Variants in BCAR3 observed in about 807,000 individuals in gnomAD.
BCAR3 encodes breast cancer anti-estrogen resistance protein 3.
Under a neutral mutation model 80.1 loss-of-function variants are expected in BCAR3, and 37 were observed. The observed-to-expected ratio is 0.46, with a 90% confidence interval of 0.36 to 0.61. The LOEUF (loss-of-function observed/expected upper bound fraction) is 0.61, where lower values mean the gene tolerates loss of function less well. Among genes scored for constraint, BCAR3 ranks in the 20% least tolerant of loss-of-function variants. The pLI, the probability that BCAR3 is intolerant of heterozygous loss-of-function variation, is 0.00. For missense variants in BCAR3, 978 were observed against 1,068.2 expected (o/e 0.92, Z 1.18); for synonymous variants, 389 against 418.9 (o/e 0.93, Z 0.87).
chr1:93,606,850 T>C (rs72963380), intron 3 of BCAR3, among the ~76,000 whole-genome samples: 9,157 of 152,146 alleles, frequency 0.06, 901 homozygotes, highest in African/African-American at 0.21. Flanking sequence ...CAGAATGCAG[T>C]GTCCTGGAGG....
chr1:93,597,060 A>G (rs1458020978), intron 3 of BCAR3, among the ~76,000 whole-genome samples: 1 of 152,232 alleles, frequency 6.6e-6, no homozygotes, highest in East Asian at 1.9e-4. Context: ...GTGCTTCAGG[A>G]AATTTGAGTA....
intron 5 of BCAR3, among the ~76,000 whole-genome samples, chr1:93,588,727 G>A (rs1674046673): frequency 6.8e-6 from 1 of 146,096 alleles, no homozygotes; most frequent in Non-Finnish European, 1.5e-5. Context: ...ACCAGCCTAA[G>A]TCTACCCCCT....
At chr1:93,796,666 A>T (rs1653284549) in intron 2 of BCAR3, among the ~76,000 whole-genome samples, 1 of 152,184 alleles carries the variant, frequency 6.6e-6, no homozygotes, top group South Asian at 2.1e-4. Flanking sequence ...CTATTCGGCC[A>T]TCTTGGCTCC....
At chr1:93,656,744 C>A (rs182179181) in intron 2 of BCAR3, among the ~76,000 whole-genome samples, 1 of 152,138 alleles carries the variant, frequency 6.6e-6, no homozygotes, top group Non-Finnish European at 1.5e-5. Context: ...GCTAGGACTA[C>A]AGGCATGTAC....
intron 3 of BCAR3, among the ~76,000 whole-genome samples, chr1:93,637,665 T>C (rs1675835527): frequency 6.6e-6 from 1 of 152,060 alleles, no homozygotes; most frequent in South Asian, 2.1e-4. Context: ...TCTGGGAACA[T>C]GGTGGTGGCA....
chr1:93,833,040 C>A (rs909668184), intron 2 of BCAR3, among the ~76,000 whole-genome samples: 2 of 152,138 alleles, frequency 1.3e-5, no homozygotes, highest in African/African-American at 4.8e-5. Flanking sequence ...GGGAACTAGC[C>A]CCCAATATTT....
chr1:93,708,726 T>G (rs1649911126), intron 2 of BCAR3, among the ~76,000 whole-genome samples: 1 of 152,130 alleles, frequency 6.6e-6, no homozygotes, highest in African/African-American at 2.4e-5. Context: ...CCACATCATA[T>G]CTACAAAAAA....
At chr1:93,809,542 C>T (rs1232229535) in intron 2 of BCAR3, among the ~76,000 whole-genome samples, 3 of 151,552 alleles carry the variant, frequency 2.0e-5, no homozygotes, top group South Asian at 2.1e-4. Context: ...CCGAGGTGGG[C>T]GGATCACCTG....
rs1481623577 is a variant in BCAR3, at chr1:93,592,327, GC to G, written c.423del (p.Glu141AspfsTer4). The G allele has an allele frequency of 6.2e-7, 1 of 1,611,176 alleles. No individual in the cohort carries two copies. Among genetic ancestry groups the G allele is most frequent in the Admixed American group, 1.7e-5 (1 of 59,944 alleles). On this transcript the variant is annotated frameshift_variant, in exon 4 of 12. Transcript: ENST00000260502. LOFTEE classifies it high-confidence loss of function. The surrounding 1 kb of genome is among the most constrained non-coding windows in gnomAD (Gnocchi z 4.8). ...PEKLKKELEE[E>X]LLLSSEDLRS... The stretch of plus-strand genomic sequence containing the variant: ...CGCAGGTCCTCGCTGCTCAGGAGCA[GC>G]TCCTCCTCCAGCTCCTTCTTCAGTT...
chr1:93,797,020 G>T (rs140086938), intron 2 of BCAR3, among the ~76,000 whole-genome samples: 236 of 152,304 alleles, frequency 1.5e-3, no homozygotes, highest in African/African-American at 5.3e-3. Flanking sequence ...TACCCTGGTA[G>T]CAATTTTCCA....
chr1:93,606,532 A>G (rs1285803989), intron 3 of BCAR3, among the ~76,000 whole-genome samples: 1 of 152,212 alleles, frequency 6.6e-6, no homozygotes, highest in Non-Finnish European at 1.5e-5. Flanking sequence ...CCAACATCCA[A>G]TAAAAATGCA....
chr1:93,673,538 T>C (rs1648321098), intron 2 of BCAR3, among the ~76,000 whole-genome samples: 1 of 152,108 alleles, frequency 6.6e-6, no homozygotes, highest in African/African-American at 2.4e-5. Context: ...AAAAGAGAGA[T>C]AACAAAAGAA....
Position 93,571,858 on chromosome 1 carries a change from C to A in BCAR3, c.1803-17G>T, listed in dbSNP as rs1019699467. Reference sequence around the variant, plus strand: ...GTGTTGTGTCTGAAAGCCAGGAGATCAGCGGTCAGGTTCAGGGCCAATGGG... The same window carrying A: ...GTGTTGTGTCTGAAAGCCAGGAGATAAGCGGTCAGGTTCAGGGCCAATGGG... On this transcript the variant is annotated splice_polypyrimidine_tract_variant and intron_variant, in intron 8 of 11. Transcript: ENST00000260502. 1.9e-6 allele frequency: 3 copies of A among 1,608,158 alleles called. No individual in the cohort carries two copies. The East Asian group carries it at 6.7e-5, about 36-fold the overall frequency.
intron 3 of BCAR3, among the ~76,000 whole-genome samples, chr1:93,607,885 C>A (rs1041727936): frequency 6.6e-6 from 1 of 152,198 alleles, no homozygotes; most frequent in African/African-American, 2.4e-5. Flanking sequence ...GTATCTCCAT[C>A]CGCCCACCAG....
At chr1:93,827,018 C>A (rs1290621027) in intron 2 of BCAR3, among the ~76,000 whole-genome samples, 1 of 152,126 alleles carries the variant, frequency 6.6e-6, no homozygotes, top group African/African-American at 2.4e-5. Context: ...TGGGCAGTGC[C>A]AGCTCCAGAA....
chr1:93,680,358 T>G (rs952658069), intron 1 of BCAR3, among the ~76,000 whole-genome samples: 5 of 152,182 alleles, frequency 3.3e-5, no homozygotes, highest in Non-Finnish European at 7.4e-5. Context: ...TCCCCTGGCT[T>G]GGCAAGGTCT....
At chr1:93,664,490 T>G (rs964508253) in intron 2 of BCAR3, among the ~76,000 whole-genome samples, 1 of 152,228 alleles carries the variant, frequency 6.6e-6, no homozygotes. Flanking sequence ...ACTGTGTTCA[T>G]GAAAAGAATG....
At chr1:93,836,480 CCTT>C (rs1174483746) in intron 2 of BCAR3, among the ~76,000 whole-genome samples, 1 of 151,970 alleles carries the variant, frequency 6.6e-6, no homozygotes, top group African/African-American at 2.4e-5. Flanking sequence ...GACAAATGCT[CCTT>C]CTAACAACCT....
intron 3 of BCAR3, among the ~76,000 whole-genome samples, chr1:93,602,631 G>A (rs545384466): frequency 6.6e-6 from 1 of 152,282 alleles, no homozygotes; most frequent in South Asian, 2.1e-4. Flanking sequence ...CCTGCCTTGC[G>A]TTGAATTTCA....
Sources: gnomAD v4.1 joint callset for allele counts (sites outside exome capture counted in the v4.1 genomes callset) on GRCh38, gnomAD v4.1.1 for gene constraint, Gnocchi (gnomAD v3.1) non-coding constraint, MANE v1.5 for transcripts, NCBI Gene and HGNC (gene_info 2026-07-23, HGNC 2026-07-21) for gene names.